The following INTS15 variants were observed in gnomAD, a reference collection of about 807,000 sequenced individuals.
The protein encoded by INTS15 is uncharacterized protein C7orf26.
At chr7:6,599,464 A>G in the INTS15 span, among the ~76,000 whole-genome samples, 3 of 152,152 alleles carry the variant, frequency 2.0e-5, no homozygotes, top group Non-Finnish European at 4.4e-5. Context: ...GTACTCAGGG[A>G]AGGGGTGACG....
the INTS15 span, among the ~76,000 whole-genome samples, chr7:6,596,267 G>C: frequency 6.6e-6 from 1 of 151,760 alleles, no homozygotes; most frequent in Non-Finnish European, 1.5e-5. Flanking sequence ...TATTGGCCAG[G>C]CTGGTCTCGA....
the INTS15 span, among the ~76,000 whole-genome samples, chr7:6,603,329 C>T: frequency 1.3e-5 from 2 of 152,098 alleles, no homozygotes; most frequent in Non-Finnish European, 2.9e-5. Flanking sequence ...AGGTGGATCA[C>T]TTGTGGTCAG....
chr7:6,595,432 G>A, the INTS15 span, among the ~76,000 whole-genome samples: 4 of 152,120 alleles, frequency 2.6e-5, no homozygotes, highest in African/African-American at 7.2e-5. Context: ...CTAAAGTGTC[G>A]GCATTACAGG....
chr7:6,599,922 C>T, the INTS15 span: 13 of 1,614,070 alleles, frequency 8.1e-6, no homozygotes, highest in East Asian at 4.5e-5. Flanking sequence ...TTAAATACTC[C>T]GATTGCGGCC....
At chr7:6,601,937 G>A in the INTS15 span, among the ~76,000 whole-genome samples, 6 of 152,210 alleles carry the variant, frequency 3.9e-5, no homozygotes, top group African/African-American at 1.2e-4. Context: ...GAATACAGGC[G>A]TGAGCCACTG....
At chr7:6,606,060 T>C in the INTS15 span, among the ~76,000 whole-genome samples, 1 of 152,216 alleles carries the variant, frequency 6.6e-6, no homozygotes, top group Non-Finnish European at 1.5e-5. Flanking sequence ...TGGAAACTTC[T>C]TGAAGTGCTT....
At chr7:6,595,954 G>C in the INTS15 span, among the ~76,000 whole-genome samples, 1 of 152,056 alleles carries the variant, frequency 6.6e-6, no homozygotes, top group Non-Finnish European at 1.5e-5. Flanking sequence ...TGGTCTGATA[G>C]CCATACCAGC....
At chr7:6,591,228 C>G in the INTS15 span, among the ~76,000 whole-genome samples, 2 of 151,286 alleles carry the variant, frequency 1.3e-5, no homozygotes, top group Non-Finnish European at 2.9e-5. Flanking sequence ...TTACGAAGGG[C>G]GAAAAGTTCT....
the INTS15 span, among the ~76,000 whole-genome samples, chr7:6,601,744 T>C: frequency 2.0e-5 from 3 of 151,418 alleles, no homozygotes; most frequent in Admixed American, 1.3e-4. Context: ...GCAACCTCCC[T>C]CTCCCAGGTT....
At chr7:6,608,184 C>T in the INTS15 span, 2,022 of 1,542,732 alleles carry the variant, frequency 1.3e-3, 5 homozygotes, top group Non-Finnish European at 1.5e-3. Flanking sequence ...GTGCCTTCTG[C>T]GCTCTCGCTG....
chr7:6,607,432 C>T, the INTS15 span: 6 of 664,918 alleles, frequency 9.0e-6, no homozygotes, highest in Non-Finnish European at 1.0e-5. The surrounding 1 kb of genome is among the most constrained non-coding windows in gnomAD (Gnocchi z 6.0). Context: ...GCTGAGGCTG[C>T]GCGGGGCGGG....
the INTS15 span, chr7:6,599,918 A>G: frequency 9.3e-6 from 15 of 1,613,952 alleles, no homozygotes; most frequent in East Asian, 3.3e-4. Context: ...TTTTTTAAAT[A>G]CTCCGATTGC....
the INTS15 span, chr7:6,590,292 C>A: frequency 3.8e-6 from 6 of 1,567,170 alleles, no homozygotes; most frequent in Admixed American, 1.1e-4. Context: ...CCATGAGCGA[C>A]ATCCGCCACT....
chr7:6,600,035 T>C, the INTS15 span: 4 of 1,614,118 alleles, frequency 2.5e-6, no homozygotes, highest in Non-Finnish European at 3.4e-6. Context: ...GCCCCCCTTA[T>C]CCAATGGCCA....
At chr7:6,594,752 A>T in the INTS15 span, 1 of 772,728 alleles carries the variant, frequency 1.3e-6, no homozygotes, top group Non-Finnish European at 2.0e-6. Flanking sequence ...TTTGAGATGG[A>T]GTCTGTTGCC....
the INTS15 span, chr7:6,600,344 C>G: frequency 6.2e-7 from 1 of 1,612,188 alleles, no homozygotes; most frequent in East Asian, 2.2e-5. Context: ...AGGAGCTCTG[C>G]TGTGCACGAG....
At chr7:6,601,541 C>T in the INTS15 span, among the ~76,000 whole-genome samples, 1 of 152,182 alleles carries the variant, frequency 6.6e-6, no homozygotes, top group Non-Finnish European at 1.5e-5. Flanking sequence ...AGTGATCCGC[C>T]CGCCTCAGCC....
At chr7:6,591,809 C>T in the INTS15 span, 1 of 1,614,058 alleles carries the variant, frequency 6.2e-7, no homozygotes, top group Non-Finnish European at 8.5e-7. Flanking sequence ...AAACTGGTCT[C>T]CATGGCGGTG....
the INTS15 span, chr7:6,607,707 C>T: frequency 4.6e-6 from 7 of 1,520,204 alleles, no homozygotes; most frequent in Non-Finnish European, 4.4e-6. This position sits in a 1 kb window ranked among gnomAD's most constrained non-coding sequence, Gnocchi z 6.0. Context: ...GTGTGGGCTG[C>T]GCGCCCGGGA....
Sources: allele counts gnomAD v4.1 joint callset (sites outside exome capture counted in the v4.1 genomes callset), GRCh38; gene constraint gnomAD v4.1.1; non-coding constraint Gnocchi (gnomAD v3.1); transcripts MANE v1.5; gene names NCBI Gene and HGNC (gene_info 2026-07-23, HGNC 2026-07-21).